Variants in ZNF25 observed in about 807,000 individuals in gnomAD.
The protein encoded by ZNF25 is zinc finger protein 25 (KOX 19).
A neutral mutation model predicts 30.9 loss-of-function variants in ZNF25; 21 were observed. The observed-to-expected ratio is 0.68, with a 90% CI of 0.48 to 0.98. ZNF25 has a LOEUF of 0.98. ZNF25 is among the 50% of genes least tolerant of loss of function. The pLI is 0.00. For synonymous variants in ZNF25, 169 were observed against 181.3 expected (o/e 0.93, Z 0.55); for missense variants, 501 against 529.9 (o/e 0.95, Z 0.54).
chr10:37,969,578 G>C (rs1188167372), intron 2 of ZNF25, among the ~76,000 whole-genome samples: 1 of 152,200 alleles, frequency 6.6e-6, no homozygotes, highest in Non-Finnish European at 1.5e-5. Context: ...CATAGAGATA[G>C]ATAACATATT....
chr10:37,957,299 C>A, intron 3 of ZNF25, 121 bp downstream of exon 3: 1 of 1,388,538 alleles, frequency 7.2e-7, no homozygotes, highest in Non-Finnish European at 9.8e-7. Context: ...GATTTATTAA[C>A]TTCGACCTCT....
At chr10:37,964,262 G>C (rs986344009) in intron 2 of ZNF25, among the ~76,000 whole-genome samples, 3 of 152,184 alleles carry the variant, frequency 2.0e-5, no homozygotes, top group Non-Finnish European at 2.9e-5. Flanking sequence ...CTGAGGAGTA[G>C]AGCATTGCTA....
At chr10:37,965,852 T>G (rs1287197306) in intron 2 of ZNF25, among the ~76,000 whole-genome samples, 2 of 152,124 alleles carry the variant, frequency 1.3e-5, no homozygotes, top group Non-Finnish European at 2.9e-5. Context: ...TCATACAACA[T>G]GCAAAAATAT....
chr10:37,973,011 G>A (rs191334244), intron 1 of ZNF25, among the ~76,000 whole-genome samples: 12 of 152,010 alleles, frequency 7.9e-5, no homozygotes, highest in Non-Finnish European at 1.6e-4. Context: ...ACTACTAAAA[G>A]TACAAAATTA....
intron 5 of ZNF25, 22 bp from the exon 6 acceptor site, chr10:37,953,217 C>A (rs754586615): frequency 5.2e-6 from 8 of 1,547,318 alleles, no homozygotes; most frequent in Non-Finnish European, 6.9e-6. Flanking sequence ...GTTCCACATT[C>A]ATTAATGTGT....
At chr10:37,970,904 C>T (rs2063453045) in intron 2 of ZNF25, among the ~76,000 whole-genome samples, 1 of 152,236 alleles carries the variant, frequency 6.6e-6, no homozygotes, top group Non-Finnish European at 1.5e-5. Context: ...CAACCTATAA[C>T]TCATTCCTCA....
At chr10:37,969,042 C>T (rs2063341212) in intron 2 of ZNF25, among the ~76,000 whole-genome samples, 1 of 152,256 alleles carries the variant, frequency 6.6e-6, no homozygotes, top group African/African-American at 2.4e-5. Context: ...CAGCATCACT[C>T]ATCTCTAAAG....
chr10:37,953,525 A>T (rs1204067698), intron 5 of ZNF25, among the ~76,000 whole-genome samples, 170 bp downstream of exon 5: 1 of 152,246 alleles, frequency 6.6e-6, no homozygotes, highest in Non-Finnish European at 1.5e-5. Flanking sequence ...GATCCTGCAC[A>T]AGGTCTCTAT....
At chr10:37,953,598 C>CA in intron 5 of ZNF25, 97 bp downstream of exon 5, 1 of 1,136,780 alleles carries the variant, frequency 8.8e-7, no homozygotes, top group Non-Finnish European at 1.3e-6. Context: ...TTAGTTTTCT[C>CA]ACGTTTAGTA....
chr10:37,965,657 T>C (rs1241520790), intron 2 of ZNF25, among the ~76,000 whole-genome samples: 1 of 152,014 alleles, frequency 6.6e-6, no homozygotes, highest in Non-Finnish European at 1.5e-5. Context: ...CAGTCTGAAA[T>C]GAAAGGACAC....
intron 2 of ZNF25, among the ~76,000 whole-genome samples, chr10:37,964,089 A>T (rs2135391238): frequency 6.6e-6 from 1 of 152,314 alleles, no homozygotes; most frequent in African/African-American, 2.4e-5. Flanking sequence ...TGCCCTAAGT[A>T]AAAGCTCCCT....
rs889881115 is a variant in ZNF25 at position 37,952,419 on chromosome 10, T to C, written c.1079A>G (p.His360Arg). The C allele has an allele frequency of 1.2e-6, 2 of 1,614,134 alleles. No individual in the cohort carries two copies. The highest frequency in any genetic ancestry group is 1.7e-6 in the Non-Finnish European group (2 of 1,179,982). The change falls in exon 6 of 6, where the codon CAT (histidine) becomes CGT (arginine). Residue 360 changes from histidine to arginine, a missense_variant. His to Arg is a conservative substitution (Grantham distance 29, BLOSUM62 0). Coordinates refer to ENST00000302609, the MANE Select transcript of ZNF25 (RefSeq NM_145011.4). ...TFYYKSDLTK[H>R]QRKHTGEKPY... is the part of the protein sequence containing the mutation. ...CTTCTCCCCTGTGTGTTTTCTCTGA[T>C]GTTTAGTGAGGTCTGATTTATAGTA...
intron 2 of ZNF25, among the ~76,000 whole-genome samples, chr10:37,971,302 C>A (rs966735148): frequency 3.7e-5 from 5 of 135,676 alleles, no homozygotes; most frequent in African/African-American, 1.4e-4. Flanking sequence ...GGCAACAGAG[C>A]GAGACTCCAT....
At chr10:37,975,149 G>C (rs1234581302) in intron 1 of ZNF25, among the ~76,000 whole-genome samples, 1 of 151,978 alleles carries the variant, frequency 6.6e-6, no homozygotes, top group East Asian at 1.9e-4. Flanking sequence ...TTGGTTAATG[G>C]GTACAAAAAT....
At chr10:37,966,786 A>G (rs1353659955) in intron 2 of ZNF25, among the ~76,000 whole-genome samples, 1 of 152,136 alleles carries the variant, frequency 6.6e-6, no homozygotes, top group Non-Finnish European at 1.5e-5. Context: ...ATCACGGAGG[A>G]ATTAAAGGAA....
chr10:37,956,408 G>T (rs1214185175), intron 4 of ZNF25, among the ~76,000 whole-genome samples: 1 of 152,200 alleles, frequency 6.6e-6, no homozygotes, highest in Admixed American at 6.5e-5. Flanking sequence ...ATGGCAGGGA[G>T]TAACTGGCGA....
At position 37,949,967 on chromosome 10, in the gene ZNF25, T is replaced by C. The variant is rs1276842704; in HGVS notation, c.*2160A>G. The C allele has an allele frequency of 6.6e-6, 1 of 152,574 alleles. No homozygotes were observed. The highest frequency in any genetic ancestry group is 1.5e-5 in the Non-Finnish European group (1 of 68,028). The allele number at this position is 152,574 out of a possible 1,614,324, so 9.5% of individuals were successfully genotyped here. A position where few individuals can be genotyped will look rare whatever the true frequency, so the allele number is the denominator to read the frequency against. ...TTTAGCAAGTAAAAAACACATTTCT[T>C]TGAAAAAAATACTTCTAAGCTCAGG... is the stretch of plus-strand genomic sequence containing the variant. On this transcript the variant is annotated 3_prime_UTR_variant, in exon 6 of 6. Transcript: ENST00000302609.
chr10:37,960,623 C>CAAAAAAAAAAAAAAAAAAAA (rs201582068), intron 2 of ZNF25, among the ~76,000 whole-genome samples: 2 of 65,724 alleles, frequency 3.0e-5, no homozygotes, highest in Admixed American at 2.8e-4. Flanking sequence ...GACTCCATCT[C>CAAAAAAAAAAAAAAAAAAAA]AAAAAAAAAA....
intron 2 of ZNF25, among the ~76,000 whole-genome samples, chr10:37,964,405 C>T (rs2103936): frequency 0.88 from 133,498 of 152,208 alleles, 58,675 homozygotes; most frequent in South Asian, 0.94. Context: ...ATTAAATGGT[C>T]GTGACCAAAA....
Sources: allele counts gnomAD v4.1 joint callset (sites outside exome capture counted in the v4.1 genomes callset), GRCh38; gene constraint gnomAD v4.1.1; transcripts MANE v1.5; gene names NCBI Gene and HGNC (gene_info 2026-07-23, HGNC 2026-07-21).